Variants in NIPBL observed in about 807,000 individuals in gnomAD.
NIPBL encodes nipped-B-like protein.
Under a neutral mutation model 321.8 loss-of-function variants are expected in NIPBL, and 19 were observed. The ratio of observed to expected loss-of-function variants is 0.06; its 90% CI spans 0.04 to 0.09. The LOEUF is 0.09. NIPBL is among the 10% of genes least tolerant of loss of function. The pLI is 1.00. For missense variants in NIPBL, 2,210 were observed against 3,327.0 expected (o/e 0.66, Z 8.26); for synonymous variants, 1,106 against 1,114.1 (o/e 0.99, Z 0.14).
chr5:36,987,916 A>T (rs1057303670), intron 10 of NIPBL, among the ~76,000 whole-genome samples: 7 of 152,128 alleles, frequency 4.6e-5, no homozygotes, highest in African/African-American at 1.7e-4. Context: ...TTTCTTTAAA[A>T]TTTTTTAGTG....
intron 1 of NIPBL, among the ~76,000 whole-genome samples, chr5:36,940,116 C>G (rs895510977): frequency 1.3e-5 from 2 of 152,152 alleles, no homozygotes; most frequent in Admixed American, 1.3e-4. Context: ...TTTTCATACT[C>G]TGTTTGTGAG....
intron 1 of NIPBL, among the ~76,000 whole-genome samples, chr5:36,893,875 G>A (rs1480678863): frequency 1.3e-5 from 2 of 152,122 alleles, no homozygotes; most frequent in East Asian, 3.9e-4. Flanking sequence ...AGTTAGGGTA[G>A]GAGATAGTGT....
chr5:36,984,561 A>G (rs1744521783), intron 9 of NIPBL, 115 bp from the exon 10 acceptor site: 1 of 893,326 alleles, frequency 1.1e-6, no homozygotes, highest in Admixed American at 2.9e-5. Flanking sequence ...TTGCATTTGC[A>G]TTTTACTCCA....
chr5:37,046,910 A>G (rs1481664778), intron 38 of NIPBL, among the ~76,000 whole-genome samples: 1 of 152,070 alleles, frequency 6.6e-6, no homozygotes, highest in Non-Finnish European at 1.5e-5. Context: ...TGGTACAAAT[A>G]CAGTTGGCCT....
At chr5:37,023,744 CTTA>C (rs1749925151) in intron 29 of NIPBL, among the ~76,000 whole-genome samples, 1 of 102,360 alleles carries the variant, frequency 9.8e-6, no homozygotes, top group Non-Finnish European at 2.0e-5. Context: ...AGACTATTTT[CTTA>C]TTCTTTTTTT....
intron 1 of NIPBL, among the ~76,000 whole-genome samples, chr5:36,905,853 C>T (rs528044315): frequency 5.3e-5 from 8 of 151,956 alleles, no homozygotes; most frequent in Admixed American, 3.9e-4. Flanking sequence ...ACGCCATTCT[C>T]CTGCCTCAGC....
chr5:36,961,500 G>C lies in NIPBL; in HGVS notation c.375G>C (p.Gln125His). Residue 125 changes from glutamine to histidine, a missense_variant, in exon 5 of 47, where the codon CAG becomes CAC. Coordinates refer to ENST00000282516, the MANE Select transcript of NIPBL (RefSeq NM_133433.4). ...TTTGCATAGGAATGATGATGTCTCA[G>C]TATAAACTTTCTCAGAATTCCATGC... is the stretch of plus-strand genomic sequence containing the variant. ...RYVQSGMMMS[Q>H]YKLSQNSMHS... The C allele has an allele frequency of 6.2e-7, 1 of 1,607,838 alleles. No individual in the cohort carries two copies. The highest frequency in any genetic ancestry group is 8.5e-7 in the Non-Finnish European group (1 of 1,174,432).
rs1009613891 is a variant in NIPBL at position 36,956,319 on chromosome 5, T to C, written c.230+682T>C. Among the ~76,000 whole-genome samples, 42 of 152,164 alleles carry C rather than the reference T, an allele frequency of 2.8e-4. 1 individual carries two copies. Among genetic ancestry groups the C allele is most frequent in the Admixed American group, 6.5e-5 (1 of 15,280 alleles). ...TGTAAAAAGTAAAATCTCTCATTCTTATCCCTTCATATTCCACCACACAAT... is the reference window on the plus strand; with the variant it reads ...TGTAAAAAGTAAAATCTCTCATTCTCATCCCTTCATATTCCACCACACAAT... On this transcript the variant is annotated intron_variant, in intron 3 of 46. Coordinates refer to ENST00000282516, the MANE Select transcript of NIPBL (RefSeq NM_133433.4).
intron 1 of NIPBL, among the ~76,000 whole-genome samples, chr5:36,890,134 G>A (rs1400291877): frequency 6.6e-6 from 1 of 151,766 alleles, no homozygotes; most frequent in East Asian, 1.9e-4. Flanking sequence ...TTAAAATGTT[G>A]CCCAGTATTT....
chr5:36,997,161 G>A (rs1356222935), intron 11 of NIPBL, among the ~76,000 whole-genome samples: 3 of 151,956 alleles, frequency 2.0e-5, no homozygotes, highest in Admixed American at 1.3e-4. Context: ...AAGAAACATG[G>A]GGCCCAGGAA....
In NIPBL at chr5:36,887,096, C is replaced by T. The variant is rs531563734; in HGVS notation, c.-80+9918C>T. On this transcript the variant is annotated intron_variant, in intron 1 of 46. Transcript: ENST00000282516. ...TACTTGCTCATTTTTACCCCTCGAC[C>T]CCCAAATTTTACTTACCTGTTTAAC... Among the ~76,000 whole-genome samples the T allele has an allele frequency of 3.9e-4, 60 of 152,122 alleles. No individual in the cohort carries two copies. In the South Asian group the frequency reaches 0.012, roughly 31 times the overall value.
rs200839238 is a variant in NIPBL, at chr5:37,019,428, A to T, written c.5010+28A>T. ...AGGATTCTTTTCCCCTGTTTTGGAG[A>T]TACTACATGTTTATTTAAATTGGGT... On this transcript the variant is annotated intron_variant, in intron 25 of 46. Coordinates refer to ENST00000282516, the MANE Select transcript of NIPBL (RefSeq NM_133433.4). The T allele has an allele frequency of 1.7e-5, 25 of 1,506,070 alleles. No homozygotes were observed. The African/African-American group carries it at 3.4e-4, about 21-fold the overall frequency. 93.3% of individuals were successfully genotyped at this position (1,506,070 alleles called of 1,614,324 possible).
intron 46 of NIPBL, 38 bp downstream of exon 46, chr5:37,064,016 T>C: frequency 6.2e-7 from 1 of 1,606,688 alleles, no homozygotes; most frequent in East Asian, 2.2e-5. Flanking sequence ...TCGCAGCGTA[T>C]TACGTAAAAT....
At chr5:37,029,449 ATTTC>A (rs1333948814) in intron 32 of NIPBL, among the ~76,000 whole-genome samples, 2 of 152,088 alleles carry the variant, frequency 1.3e-5, no homozygotes, top group African/African-American at 4.8e-5. Flanking sequence ...ATATATCATA[ATTTC>A]TTTATCATTC....
At chr5:36,998,166 C>T (rs1181514941) in intron 11 of NIPBL, among the ~76,000 whole-genome samples, 1 of 152,022 alleles carries the variant, frequency 6.6e-6, no homozygotes, top group Non-Finnish European at 1.5e-5. Context: ...TCTTTTGAGT[C>T]CTTTCCCCTC....
intron 42 of NIPBL, among the ~76,000 whole-genome samples, chr5:37,054,195 CAAAAAAAAA>C (rs1200216062): frequency 3.5e-5 from 2 of 57,586 alleles, no homozygotes; most frequent in Non-Finnish European, 7.4e-5. Flanking sequence ...GACTCCGTCT[CAAAAAAAAA>C]AAAAAAAAAA....
chr5:36,945,505 T>C (rs1561061153), intron 1 of NIPBL, among the ~76,000 whole-genome samples: 1 of 149,712 alleles, frequency 6.7e-6, no homozygotes, highest in Non-Finnish European at 1.5e-5. Context: ...AGTGTAAATA[T>C]ATCCTTCTAA....
chr5:37,017,299 CCAGTGAGA>C, intron 24 of NIPBL, 137 bp downstream of exon 24: 1 of 797,284 alleles, frequency 1.3e-6, no homozygotes, highest in Non-Finnish European at 2.0e-6. Flanking sequence ...TTTCAAAGCC[CCAGTGAGA>C]AATTTTAAGA....
intron 22 of NIPBL, among the ~76,000 whole-genome samples, chr5:37,015,721 A>G (rs1462179963): frequency 6.6e-6 from 1 of 152,036 alleles, no homozygotes; most frequent in Admixed American, 6.6e-5. Context: ...ACAGGGTGAG[A>G]CTCCATCTCA....
Sources: allele counts gnomAD v4.1 joint callset (sites outside exome capture counted in the v4.1 genomes callset), GRCh38; gene constraint gnomAD v4.1.1; transcripts MANE v1.5; gene names NCBI Gene and HGNC (gene_info 2026-07-23, HGNC 2026-07-21).